Variants in HLCS observed in about 807,000 individuals in gnomAD.
The protein encoded by HLCS is holocarboxylase synthetase.
HLCS carries 53 observed loss-of-function variants against 75.0 expected under a neutral mutation model. The ratio of observed to expected loss-of-function variants is 0.71; its 90% CI spans 0.57 to 0.89. HLCS has a LOEUF of 0.89. Ranked by LOEUF, HLCS falls within the 40% of genes least tolerant of loss-of-function variation. The pLI is 0.00. For missense variants in HLCS, 966 were observed against 1,074.0 expected (o/e 0.90, Z 1.41); for synonymous variants, 431 against 428.6 (o/e 1.01, Z -0.07).
At chr21:36,791,606 T>C (rs1315787062) in intron 6 of HLCS, among the ~76,000 whole-genome samples, 1 of 152,080 alleles carries the variant, frequency 6.6e-6, no homozygotes, top group Admixed American at 6.5e-5. Context: ...AAATGTAACC[T>C]ACTCTAGGTG....
chr21:36,958,458 T>C (rs896251159), intron 2 of HLCS, among the ~76,000 whole-genome samples: 1 of 152,142 alleles, frequency 6.6e-6, no homozygotes, highest in Non-Finnish European at 1.5e-5. Flanking sequence ...GATAGAAGCA[T>C]TGGTTAAAAT....
At chr21:36,875,230 C>T (rs1048915069) in intron 6 of HLCS, among the ~76,000 whole-genome samples, 3 of 152,176 alleles carry the variant, frequency 2.0e-5, no homozygotes, top group Non-Finnish European at 4.4e-5. Context: ...CCTGGTGAAA[C>T]CACACCTTCA....
In HLCS at chr21:36,949,123, TTTAAGAGGTA is replaced by T. The variant is rs543434899; in HGVS notation, c.331-10139_331-10130del. ...ATGTAAGCTGAGGAAGAAGAGGAGT[TTTAAGAGGTA>T]TCCCAAGTGGTTTAGTTACCCACTC... On this transcript the variant is annotated intron_variant, in intron 2 of 10. Coordinates refer to ENST00000674895, the MANE Select transcript of HLCS (RefSeq NM_001352514.2). 7.3e-3 allele frequency among the ~76,000 whole-genome samples: 1,105 copies of T among 152,220 alleles called. 2 individuals are homozygous for T. The highest frequency in any genetic ancestry group is 0.011 in the Non-Finnish European group (768 of 68,010).
chr21:36,970,993 C>CAA (rs58741965), upstream of HLCS, among the ~76,000 whole-genome samples: 1 of 92,738 alleles, frequency 1.1e-5, no homozygotes, highest in Non-Finnish European at 2.3e-5. Flanking sequence ...GACTCCATCT[C>CAA]AAAAAAAAAA....
chr21:36,932,765 C>T (rs145794423), intron 4 of HLCS, among the ~76,000 whole-genome samples: 7 of 152,210 alleles, frequency 4.6e-5, no homozygotes, highest in East Asian at 3.8e-4. Context: ...AGCTTTCAGG[C>T]GACTTAGAAT....
At chr21:36,782,590 T>C (rs1391149539) in intron 6 of HLCS, among the ~76,000 whole-genome samples, 1 of 152,132 alleles carries the variant, frequency 6.6e-6, no homozygotes, top group Non-Finnish European at 1.5e-5. Context: ...ACGTGTTCCA[T>C]GGAGAGGGTG....
At chr21:36,897,429 C>T (rs1250862007) in intron 5 of HLCS, among the ~76,000 whole-genome samples, 2 of 152,196 alleles carry the variant, frequency 1.3e-5, no homozygotes, top group African/African-American at 4.8e-5. Context: ...AGATTCCCCT[C>T]CAGTCCAGAG....
rs577022058 is a variant in HLCS, at chr21:36,983,335, G to A, written c.-393+6823C>T. Among the ~76,000 whole-genome samples, 24 of 151,448 alleles carry A rather than the reference G, an allele frequency of 1.6e-4. No individual in the cohort carries two copies. In the East Asian group the frequency reaches 2.2e-3, roughly 14 times the overall value. On this transcript the variant is annotated intron_variant, in intron 1 of 11. Coordinates refer to the HLCS transcript ENST00000336648. ...AAGTGATTCTCCTGCCTCAGCCTCC[G>A]AAGTAGCTAGGACTACAGGTGCCCA...
At chr21:36,834,797 G>T (rs969365465) in intron 6 of HLCS, among the ~76,000 whole-genome samples, 1 of 152,144 alleles carries the variant, frequency 6.6e-6, no homozygotes, top group African/African-American at 2.4e-5. Flanking sequence ...CTCGTGATCC[G>T]CCTGCCTCGG....
At chr21:36,871,483 C>T (rs759121031) in intron 6 of HLCS, among the ~76,000 whole-genome samples, 40 of 152,136 alleles carry the variant, frequency 2.6e-4, no homozygotes, top group Non-Finnish European at 5.4e-4. Context: ...CCACCACAGA[C>T]GGCCCTTTAT....
At chr21:36,863,905 G>C (rs1309501467) in intron 6 of HLCS, among the ~76,000 whole-genome samples, 1 of 152,008 alleles carries the variant, frequency 6.6e-6, no homozygotes, top group Non-Finnish European at 1.5e-5. Flanking sequence ...TCCCCTAGTA[G>C]AATTACAAAA....
Position 36,754,333 on chromosome 21 carries a change from G to A in HLCS, c.2535C>T (p.His845=). The A allele has an allele frequency of 6.2e-7, 1 of 1,614,056 alleles. No individual in the cohort carries two copies. Among genetic ancestry groups the A allele is most frequent in the Non-Finnish European group, 8.5e-7 (1 of 1,179,998 alleles). ...GLDDSGFLQV[H]QEGGEVVTVH... ...CAGTCACAACCTCGCCGCCCTCCTGGTGAACCTGGAGGAAGCCAGAATCGT... is the reference window on the plus strand; with the variant it reads ...CAGTCACAACCTCGCCGCCCTCCTGATGAACCTGGAGGAAGCCAGAATCGT... The change falls in exon 11 of 11, where the codon CAC becomes CAT. Residue 845 remains histidine (H), a synonymous_variant. Coordinates refer to ENST00000674895, the MANE Select transcript of HLCS (RefSeq NM_001352514.2).
At chr21:36,888,272 C>A (rs1462514151) in intron 6 of HLCS, among the ~76,000 whole-genome samples, 2 of 151,032 alleles carry the variant, frequency 1.3e-5, no homozygotes, top group Non-Finnish European at 2.9e-5. Flanking sequence ...CAGCACAGAC[C>A]CAGAAGGGAA....
intron 2 of HLCS, among the ~76,000 whole-genome samples, chr21:36,959,441 G>A (rs969583024): frequency 6.6e-6 from 1 of 152,180 alleles, no homozygotes; most frequent in Non-Finnish European, 1.5e-5. Flanking sequence ...TGGGCACCTT[G>A]GACAACATGA....
chr21:36,893,331 C>T (rs1303834343), intron 6 of HLCS, among the ~76,000 whole-genome samples: 1 of 152,130 alleles, frequency 6.6e-6, no homozygotes, highest in Non-Finnish European at 1.5e-5. Context: ...CTCGGCCTCC[C>T]AAAATGCTGG....
intron 4 of HLCS, among the ~76,000 whole-genome samples, chr21:36,932,856 G>T (rs757400350): frequency 2.0e-5 from 3 of 152,182 alleles, no homozygotes; most frequent in Non-Finnish European, 2.9e-5. Context: ...GGTGGCTCAC[G>T]CCTATAATCC....
At chr21:36,813,904 G>C (rs2061583607) in intron 6 of HLCS, among the ~76,000 whole-genome samples, 1 of 152,068 alleles carries the variant, frequency 6.6e-6, no homozygotes, top group African/African-American at 2.4e-5. Context: ...GACATAATAA[G>C]CCCAAACTCA....
intron 6 of HLCS, among the ~76,000 whole-genome samples, chr21:36,818,409 G>A (rs1346002921): frequency 3.3e-5 from 5 of 152,120 alleles, no homozygotes; most frequent in Admixed American, 1.3e-4. Context: ...AAAATAAGAC[G>A]GTTCATTAAA....
intron 5 of HLCS, among the ~76,000 whole-genome samples, chr21:36,912,544 T>TA (rs946330107): frequency 7.3e-5 from 11 of 151,564 alleles, no homozygotes; most frequent in Non-Finnish European, 5.9e-5. Flanking sequence ...TTAGGACGCT[T>TA]AAAAAAAAAG....
Sources: allele counts gnomAD v4.1 joint callset (sites outside exome capture counted in the v4.1 genomes callset), GRCh38; gene constraint gnomAD v4.1.1; transcripts MANE v1.5; gene names NCBI Gene and HGNC (gene_info 2026-07-23, HGNC 2026-07-21).